Variants in MAPK8IP3 observed in about 807,000 individuals in gnomAD.
The protein encoded by MAPK8IP3 is mitogen-activated protein kinase 8 interacting protein 3, also known as C-Jun-amino-terminal kinase-interacting protein 3.
Under a neutral mutation model 157.8 loss-of-function variants are expected in MAPK8IP3, and 49 were observed. That is an observed-to-expected ratio of 0.31 (90% CI 0.25 to 0.39). MAPK8IP3 has a LOEUF of 0.39. Among genes scored for constraint, MAPK8IP3 ranks in the 10% least tolerant of loss-of-function variants. MAPK8IP3 has a pLI of 1.00. For missense variants in MAPK8IP3, 1,478 were observed against 1,889.4 expected, an observed-to-expected ratio of 0.78 and a Z score of 4.04; for synonymous variants, 897 against 777.7, an observed-to-expected ratio of 1.15 and a Z score of -2.55.
intron 1 of MAPK8IP3, among the ~76,000 whole-genome samples, chr16:1,719,242 T>TA (rs751005918): frequency 2.0e-5 from 3 of 151,810 alleles, no homozygotes; most frequent in Non-Finnish European, 4.4e-5. Flanking sequence ...GTGCTGGGAT[T>TA]ACAGCTGTGA....
chr16:1,757,933 C>T (rs1567195606), intron 8 of MAPK8IP3, among the ~76,000 whole-genome samples: 1 of 152,256 alleles, frequency 6.6e-6, no homozygotes, highest in South Asian at 2.1e-4. Flanking sequence ...GGCTGGACCA[C>T]GGCGCCTGGG....
chr16:1,711,469 G>T (rs2037765499), intron 1 of MAPK8IP3, among the ~76,000 whole-genome samples: 1 of 152,222 alleles, frequency 6.6e-6, no homozygotes, highest in African/African-American at 2.4e-5. Flanking sequence ...CTTAATCTGT[G>T]CCAGATGGGC....
At chr16:1,730,044 C>CAAAA (rs58933347) in intron 4 of MAPK8IP3, among the ~76,000 whole-genome samples, 24 of 46,944 alleles carry the variant, frequency 5.1e-4, no homozygotes, top group East Asian at 7.7e-4. Flanking sequence ...CTTGTCTCTA[C>CAAAA]AAAAAAAAAA....
intron 2 of MAPK8IP3, among the ~76,000 whole-genome samples, chr16:1,727,353 A>G (rs1269246563): frequency 6.6e-6 from 1 of 151,382 alleles, no homozygotes. Context: ...TGCTGTGTGC[A>G]GCGTCTGTGA....
At position 1,761,324 on chromosome 16, in the gene MAPK8IP3, C is replaced by G. The variant is rs771252992; in HGVS notation, c.1539+19C>G. ...AGAATCGGTACATCCACTCTTCACT[C>G]TTCACATGCGGGGCGTCCACCATTC... On this transcript the variant is annotated intron_variant, in intron 13 of 31. Transcript: ENST00000610761. 5 of 1,606,204 alleles carry G rather than the reference C, an allele frequency of 3.1e-6. No individual in the cohort carries two copies. The Admixed American group carries it at 6.7e-5, about 21-fold the overall frequency.
chr16:1,715,883 A>G (rs772681859), intron 1 of MAPK8IP3, among the ~76,000 whole-genome samples: 1 of 151,600 alleles, frequency 6.6e-6, no homozygotes, highest in East Asian at 1.9e-4. Flanking sequence ...CCACCACCAC[A>G]CCCAGCTGAT....
intron 5 of MAPK8IP3, chr16:1,746,810 C>T (rs1032428468): frequency 4.3e-5 from 25 of 586,852 alleles, no homozygotes; most frequent in South Asian, 3.0e-4. Context: ...GCCCTGCTTC[C>T]GAGGAGCCGG....
chr16:1,757,880 AGGGCAGCAGGCTTCCGGGTCAGGGCTC>A (rs1213191298), intron 8 of MAPK8IP3, among the ~76,000 whole-genome samples: 1 of 152,182 alleles, frequency 6.6e-6, no homozygotes, highest in African/African-American at 2.4e-5. Flanking sequence ...ATGGGAGCAG[AGGGCAGCAGGCTTCCGGGTCAGGGCTC>A]GGCAACACAG....
chr16:1,730,031 G>C lies in MAPK8IP3; in HGVS notation c.602+453G>C, dbSNP rs1300678348. ...CGAGCTCAGCTTGGGCAACCAGCAA[G>C]ATCTTGTCTCTACAAAAAAAAAAAA... On this transcript the variant is annotated intron_variant, in intron 4 of 31. Coordinates refer to ENST00000610761, the MANE Select transcript of MAPK8IP3 (RefSeq NM_001318852.2). Among the ~76,000 whole-genome samples, 3 of 99,412 alleles carry C rather than the reference G, an allele frequency of 3.0e-5. No individual in the cohort carries two copies. In the East Asian group the frequency reaches 1.0e-3, roughly 35 times the overall value. The allele number at this position is 99,412 out of a possible 152,430, so 65.2% of individuals were successfully genotyped here.
In MAPK8IP3 at chr16:1,768,065, C is replaced by G; in HGVS notation, c.3524-4C>G. ...CTTCTCCCATGCTCCTCCCATGTCC[C>G]CAGCTGTGGTCCTGCACCGAGGCCA... On this transcript the variant is annotated splice_region_variant and splice_polypyrimidine_tract_variant and intron_variant, in intron 28 of 31. Coordinates refer to ENST00000610761, the MANE Select transcript of MAPK8IP3 (RefSeq NM_001318852.2). 1.2e-6 allele frequency: 2 copies of G among 1,612,448 alleles called. No homozygotes were observed. The highest frequency in any genetic ancestry group is 2.2e-5 in the South Asian group (2 of 91,080).
In MAPK8IP3 at chr16:1,735,274, G is replaced by A. The variant is rs377312836; in HGVS notation, c.602+5696G>A. Among the ~76,000 whole-genome samples, 70 of 150,982 alleles carry A rather than the reference G, an allele frequency of 4.6e-4. 1 individual carries two copies. Among genetic ancestry groups the A allele is most frequent in the African/African-American group, 1.5e-3 (61 of 40,990 alleles). ...TGAGCATCCGTGTGAGCATGTGACC[G>A]TCTGTGAGTGTGCGACGGTCCATGT... On this transcript the variant is annotated intron_variant, in intron 4 of 31. Coordinates refer to ENST00000610761, the MANE Select transcript of MAPK8IP3 (RefSeq NM_001318852.2).
intron 13 of MAPK8IP3, among the ~76,000 whole-genome samples, chr16:1,762,072 C>T (rs2041986459): frequency 6.6e-6 from 1 of 152,242 alleles, no homozygotes; most frequent in Non-Finnish European, 1.5e-5. Flanking sequence ...CATCATCTGC[C>T]ACCCCACTCC....
intron 2 of MAPK8IP3, among the ~76,000 whole-genome samples, chr16:1,726,238 A>G (rs1391374195): frequency 6.6e-6 from 1 of 152,238 alleles, no homozygotes; most frequent in African/African-American, 2.4e-5. Flanking sequence ...CACAATGCAA[A>G]GCAAACCTAA....
At chr16:1,764,546 G>A in intron 19 of MAPK8IP3, 87 bp downstream of exon 19, 2 of 1,491,024 alleles carry the variant, frequency 1.3e-6, no homozygotes, top group Non-Finnish European at 1.8e-6. Flanking sequence ...TGAGACACAG[G>A]ACAGCTGGGG....
intron 4 of MAPK8IP3, among the ~76,000 whole-genome samples, chr16:1,736,451 AGC>A (rs1230737308): frequency 2.7e-5 from 1 of 36,852 alleles, no homozygotes; most frequent in Non-Finnish European, 4.7e-5. Context: ...TGTCCGTGTG[AGC>A]GTGTGACCAT....
intron 1 of MAPK8IP3, among the ~76,000 whole-genome samples, chr16:1,714,438 C>T (rs1007298764): frequency 3.4e-5 from 5 of 146,148 alleles, no homozygotes; most frequent in East Asian, 1.9e-4. Flanking sequence ...GGGCGTGCCA[C>T]GTGAAACGCG....
rs955542119 is a variant in MAPK8IP3 at position 1,769,119 on chromosome 16, G to A, written c.*295G>A. ...TCAAGTCCAGGGCACCTTGGGCCCA[G>A]CGCAGGCAGAATCCGAGGTGGTCCT... On this transcript the variant is annotated 3_prime_UTR_variant, in exon 32 of 32. Transcript: ENST00000610761. The A allele has an allele frequency of 8.9e-6, 4 of 450,014 alleles. No homozygotes were observed. Among genetic ancestry groups the A allele is most frequent in the Non-Finnish European group, 1.6e-5 (4 of 245,160 alleles). The allele number at this position is 450,014 out of a possible 1,614,324, so 27.9% of individuals were successfully genotyped here.
chr16:1,764,166 C>T lies in MAPK8IP3; in HGVS notation c.2077C>T (p.Pro693Ser), dbSNP rs1477479894. 6.2e-7 allele frequency: 1 copy of T among 1,611,746 alleles called. No individual in the cohort carries two copies. Among genetic ancestry groups the T allele is most frequent in the Non-Finnish European group, 8.5e-7 (1 of 1,179,566 alleles). The change falls in exon 18 of 32, where the codon CCG becomes TCG. Residue 693 changes from proline to serine, a missense_variant. Physicochemically the swap from Pro to Ser is moderately conservative, Grantham distance 74 (BLOSUM62 -1). Transcript: ENST00000610761. ...CACGCGGATGAAGAACGTGCCGGTGCCGGTGTACTGCCGCCCTCTGGTGGA... is the reference window on the plus strand; with the variant it reads ...CACGCGGATGAAGAACGTGCCGGTGTCGGTGTACTGCCGCCCTCTGGTGGA... ...EDTRMKNVPV[P>S]VYCRPLVEKD...
chr16:1,749,666 C>T (rs537659194), intron 8 of MAPK8IP3, among the ~76,000 whole-genome samples: 11 of 152,364 alleles, frequency 7.2e-5, no homozygotes, highest in East Asian at 1.9e-4. Flanking sequence ...AGTAGGACAG[C>T]GCAGTCTGTC....
Sources: allele counts gnomAD v4.1 joint callset (sites outside exome capture counted in the v4.1 genomes callset), GRCh38; gene constraint gnomAD v4.1.1; transcripts MANE v1.5; gene names NCBI Gene and HGNC (gene_info 2026-07-23, HGNC 2026-07-21).